DLGAP1: variants seen among roughly 807,000 people sequenced by gnomAD.
The protein encoded by DLGAP1 is disks large-associated protein 1.
Under a neutral mutation model 90.8 loss-of-function variants are expected in DLGAP1, and 11 were observed. That is an observed-to-expected ratio of 0.12 (90% CI 0.08 to 0.20). The LOEUF is 0.20. DLGAP1 is among the 10% of genes least tolerant of loss of function. The pLI, the probability that DLGAP1 is intolerant of heterozygous loss-of-function variation, is 1.00. For missense variants in DLGAP1, 1,050 were observed against 1,333.8 expected, an observed-to-expected ratio of 0.79 and a Z score of 3.31; for synonymous variants, 558 against 540.7, an observed-to-expected ratio of 1.03 and a Z score of -0.44.
intron 2 of DLGAP1, among the ~76,000 whole-genome samples, chr18:4,030,871 T>C (rs1280084972): frequency 2.0e-5 from 3 of 152,158 alleles, no homozygotes; most frequent in Admixed American, 6.6e-5. Context: ...TGCAATGAGC[T>C]GTGATTGCAC....
intron 1 of DLGAP1, among the ~76,000 whole-genome samples, chr18:4,233,062 T>C (rs1172195881): frequency 6.6e-6 from 1 of 152,224 alleles, no homozygotes; most frequent in Non-Finnish European, 1.5e-5. Context: ...TTTAGATTTA[T>C]AAAAGGTTGA....
chr18:3,691,274 T>C (rs394349), intron 7 of DLGAP1, among the ~76,000 whole-genome samples: 90,472 of 151,882 alleles, frequency 0.6, 28,553 homozygotes, highest in African/African-American at 0.81. Flanking sequence ...CACAGTGAAA[T>C]CCCATCTCCA....
chr18:3,547,280 C>CGG (rs1568171545), intron 9 of DLGAP1, among the ~76,000 whole-genome samples: 14 of 106,084 alleles, frequency 1.3e-4, no homozygotes, highest in African/African-American at 5.4e-4. Flanking sequence ...CCAGCCTGGG[C>CGG]AATAGAGCGA....
At chr18:3,553,453 G>T (rs903401265) in intron 9 of DLGAP1, among the ~76,000 whole-genome samples, 1 of 151,940 alleles carries the variant, frequency 6.6e-6, no homozygotes, top group Middle Eastern at 3.2e-3. Context: ...ATCATTAATT[G>T]CATTGTTCAA....
chr18:3,789,691 A>C (rs764880404), intron 5 of DLGAP1, among the ~76,000 whole-genome samples: 1 of 152,208 alleles, frequency 6.6e-6, no homozygotes, highest in African/African-American at 2.4e-5. Context: ...AGTGGTCAAC[A>C]GTGTAAAATA....
chr18:3,815,866 A>G (rs2067078940), intron 4 of DLGAP1, among the ~76,000 whole-genome samples: 1 of 152,178 alleles, frequency 6.6e-6, no homozygotes, highest in Admixed American at 6.5e-5. Context: ...AGACCAAAAA[A>G]CGGGGAGGCT....
intron 5 of DLGAP1, among the ~76,000 whole-genome samples, chr18:3,772,338 C>CTTTCTCTCTTTCTTTCTTTCTTTCTT (rs1350884072): frequency 1.2e-4 from 5 of 42,298 alleles, no homozygotes; most frequent in African/African-American, 5.0e-4. Context: ...CTCCTTCTCT[C>CTTTCTCTCTTTCTTTCTTTCTTTCTT]TCTCTCTCTC....
chr18:3,896,136 TG>T (rs1450433286), intron 3 of DLGAP1: 2 of 152,218 alleles, frequency 1.3e-5, no homozygotes, highest in Admixed American at 6.5e-5. Flanking sequence ...AAGTGTGACA[TG>T]GTTTCTTCCC....
At position 3,880,232 on chromosome 18, in the gene DLGAP1, A is replaced by T. The variant is rs2071120199; in HGVS notation, c.-72-92T>A. On this transcript the variant is annotated intron_variant, in intron 3 of 12. Transcript: ENST00000315677. ...AGGGTCTTGCTCTGTTGCCCAGGCT[A>T]GAGTGCACAGGCGCCATCTCTGCTT... is the stretch of plus-strand genomic sequence containing the variant. 1.9e-5 allele frequency: 13 copies of T among 669,546 alleles called. No homozygotes were observed. The Admixed American group carries it at 2.1e-4, about 11-fold the overall frequency. The allele number at this position is 669,546 out of a possible 1,614,324, so 41.5% of individuals were successfully genotyped here.
chr18:4,183,601 T>C (rs2077243737), intron 1 of DLGAP1, among the ~76,000 whole-genome samples: 1 of 152,154 alleles, frequency 6.6e-6, no homozygotes, highest in African/African-American at 2.4e-5. Context: ...TTTTAAATTA[T>C]GTGGCTCCTT....
intron 2 of DLGAP1, among the ~76,000 whole-genome samples, chr18:4,044,333 G>A (rs1452559408): frequency 6.6e-6 from 1 of 152,146 alleles, no homozygotes; most frequent in Non-Finnish European, 1.5e-5. Flanking sequence ...ACAGTAAAAA[G>A]CCACGGGGAA....
At chr18:4,115,676 C>T (rs912558202) in intron 2 of DLGAP1, among the ~76,000 whole-genome samples, 4 of 151,962 alleles carry the variant, frequency 2.6e-5, no homozygotes, top group East Asian at 1.9e-4. Flanking sequence ...TTAGTACAGA[C>T]GGGGTTTCAC....
Position 3,559,419 on chromosome 18 carries a change from A to G in DLGAP1, c.2057+8071T>C, listed in dbSNP as rs991800419. On this transcript the variant is annotated intron_variant, in intron 9 of 12. Transcript: ENST00000315677. ...ATTAACATCTACCATATTTGTTATT[A>G]TTTTCTATTTTTTCACCTTTGTTCT... Among the ~76,000 whole-genome samples, 3 of 151,768 alleles carry G rather than the reference A, an allele frequency of 2.0e-5. No individual in the cohort carries two copies. In the South Asian group the frequency reaches 6.2e-4, roughly 32 times the overall value.
chr18:3,739,133 C>T (rs1244822242), intron 6 of DLGAP1, among the ~76,000 whole-genome samples: 3 of 120,720 alleles, frequency 2.5e-5, no homozygotes, highest in Admixed American at 9.1e-5. Context: ...ACAACAGGTG[C>T]TGGAGAGGAT....
At chr18:3,784,368 C>A (rs1312785698) in intron 5 of DLGAP1, among the ~76,000 whole-genome samples, 1 of 152,142 alleles carries the variant, frequency 6.6e-6, no homozygotes, top group African/African-American at 2.4e-5. Context: ...CAACCTCTAT[C>A]CTAGCCTTCT....
chr18:4,430,801 T>A (rs1235223044), intron 1 of DLGAP1: 1 of 152,188 alleles, frequency 6.6e-6, no homozygotes, highest in Non-Finnish European at 1.5e-5. Context: ...TTAAACCTAC[T>A]CTCAGAAGTG....
intron 3 of DLGAP1, among the ~76,000 whole-genome samples, chr18:3,976,608 T>C (rs1031539959): frequency 6.6e-6 from 1 of 152,204 alleles, no homozygotes; most frequent in Non-Finnish European, 1.5e-5. Context: ...CAAGAGAAAA[T>C]TACTCTGTTC....
At chr18:3,685,774 A>G (rs1317512664) in intron 7 of DLGAP1, among the ~76,000 whole-genome samples, 1 of 152,150 alleles carries the variant, frequency 6.6e-6, no homozygotes, top group Non-Finnish European at 1.5e-5. Context: ...TCCTCATTAT[A>G]AGACAAGAAT....
chr18:4,344,506 A>G (rs1022760003), intron 1 of DLGAP1, among the ~76,000 whole-genome samples: 11 of 152,240 alleles, frequency 7.2e-5, no homozygotes, highest in African/African-American at 2.4e-4. Context: ...ATAGTAGAAG[A>G]GTTTACAGAT....
Sources: allele counts gnomAD v4.1 joint callset (sites outside exome capture counted in the v4.1 genomes callset), GRCh38; gene constraint gnomAD v4.1.1; transcripts MANE v1.5; gene names NCBI Gene and HGNC (gene_info 2026-07-23, HGNC 2026-07-21).